ARHGAP35: variants seen among roughly 807,000 people sequenced by gnomAD.
ARHGAP35 encodes rho GTPase-activating protein 35.
In ARHGAP35, 15 loss-of-function variants were observed where a neutral mutation model predicts 111.1. The observed-to-expected ratio is 0.13, with a 90% CI of 0.09 to 0.21. ARHGAP35 has a LOEUF of 0.21. Among genes scored for constraint, ARHGAP35 ranks in the 10% least tolerant of loss-of-function variants. The pLI is 1.00. For synonymous variants in ARHGAP35, 643 were observed against 710.3 expected, an observed-to-expected ratio of 0.91 and a Z score of 1.51; for missense variants, 1,262 against 1,873.0, an observed-to-expected ratio of 0.67 and a Z score of 6.02.
At chr19:46,915,551 A>C (rs1039838220) in intron 1 of ARHGAP35, among the ~76,000 whole-genome samples, 2 of 152,150 alleles carry the variant, frequency 1.3e-5, no homozygotes, top group African/African-American at 4.8e-5. Context: ...AGTCAGAATA[A>C]TGCGTGGTGG....
In ARHGAP35 at chr19:46,993,646, C is replaced by T. The variant is rs2056691242; in HGVS notation, c.4036+3971C>T. 6.6e-6 allele frequency among the ~76,000 whole-genome samples: 1 copy of T among 152,166 alleles called. No individual in the cohort carries two copies. The highest frequency in any genetic ancestry group is 6.5e-5 in the Admixed American group (1 of 15,294). On this transcript the variant is annotated intron_variant, in intron 5 of 6. Coordinates refer to ENST00000672722, the MANE Select transcript of ARHGAP35 (RefSeq NM_004491.5). This position sits in a 1 kb window ranked among gnomAD's most constrained non-coding sequence, Gnocchi z 4.6. ...TTGTACTAAATTGCTGGATCTGTGT[C>T]CAGGCTGTCTTGGTTCAACTGGCCC...
At chr19:46,904,241 T>C (rs2056094920) in intron 1 of ARHGAP35, among the ~76,000 whole-genome samples, 1 of 152,196 alleles carries the variant, frequency 6.6e-6, no homozygotes, top group Non-Finnish European at 1.5e-5. Flanking sequence ...ATCTGTGACG[T>C]GAGGGAGCTG....
At chr19:46,968,724 C>A (rs879912042) in intron 3 of ARHGAP35, among the ~76,000 whole-genome samples, 2 of 152,160 alleles carry the variant, frequency 1.3e-5, no homozygotes, top group African/African-American at 4.8e-5. Context: ...ACTAGTCACA[C>A]AAGATCACAT....
intron 1 of ARHGAP35, among the ~76,000 whole-genome samples, chr19:46,903,011 C>T (rs1202077788): frequency 6.6e-6 from 1 of 152,064 alleles, no homozygotes; most frequent in East Asian, 1.9e-4. Flanking sequence ...CCTTGAGGAG[C>T]GGTAATAGCC....
At position 47,000,752 on chromosome 19, in the gene ARHGAP35, G is replaced by C. The variant is rs1028006294; in HGVS notation, c.*64G>C. The stretch of plus-strand genomic sequence containing the variant: ...CTCTGACGGGGTGGCATTTGGCCTT[G>C]AACAAAACCAAGTCCACTGGGGACA... On this transcript the variant is annotated 3_prime_UTR_variant, in exon 7 of 7. Coordinates refer to ENST00000672722, the MANE Select transcript of ARHGAP35 (RefSeq NM_004491.5). This position sits in a 1 kb window ranked among gnomAD's most constrained non-coding sequence, Gnocchi z 6.9. The C allele has an allele frequency of 9.8e-6, 15 of 1,528,022 alleles. No homozygotes were observed. The highest frequency in any genetic ancestry group is 4.1e-5 in the Admixed American group (2 of 49,094). 94.7% of individuals were successfully genotyped at this position (1,528,022 alleles called of 1,614,324 possible).
intron 3 of ARHGAP35, among the ~76,000 whole-genome samples, chr19:46,973,392 GA>G (rs1410822680): frequency 6.7e-6 from 1 of 149,656 alleles, no homozygotes; most frequent in African/African-American, 2.5e-5. Flanking sequence ...AAATTAAAAT[GA>G]AAAATTGGCC....
chr19:46,890,453 C>G (rs556276922), intron 1 of ARHGAP35, among the ~76,000 whole-genome samples: 13 of 152,216 alleles, frequency 8.5e-5, no homozygotes, highest in Non-Finnish European at 1.5e-4. Flanking sequence ...ATGACCAGAT[C>G]CTGGCCCTTA....
chr19:46,912,232 C>T (rs1035490612), intron 1 of ARHGAP35, among the ~76,000 whole-genome samples: 1 of 151,766 alleles, frequency 6.6e-6, no homozygotes, highest in Non-Finnish European at 1.5e-5. Context: ...GTAGTAGAGG[C>T]GGAGTTTTAC....
chr19:46,921,096 A>T lies in ARHGAP35; in HGVS notation c.2421A>T (p.Gln807His), dbSNP rs561026956. The T allele has an allele frequency of 2.5e-6, 4 of 1,613,968 alleles. No individual in the cohort carries two copies. In the South Asian group the frequency reaches 4.4e-5, roughly 18 times the overall value. The change falls in exon 2 of 7, where the codon CAA becomes CAT. Residue 807 changes from glutamine to histidine, a missense_variant. Gln to His is a conservative substitution (Grantham distance 24). This residue lies in a region of ARHGAP35 where 579 missense variants were observed against 716.9 expected (regional missense o/e 0.81). Transcript: ENST00000672722. The surrounding 1 kb of genome is among the most constrained non-coding windows in gnomAD (Gnocchi z 4.3). ...TACTTTTTCCTGTCCTTCAGTCCCA[A>T]ACCTGTAAATCTTCCCATTGTGGAA... ...DDILFPVLQS[Q>H]TCKSSHCGSN...
intron 1 of ARHGAP35, among the ~76,000 whole-genome samples, chr19:46,870,214 G>T (rs1430718523): frequency 6.6e-6 from 1 of 151,480 alleles, no homozygotes; most frequent in Non-Finnish European, 1.5e-5. Context: ...CTCCCAAAGT[G>T]CTGGGATTAC....
chr19:46,979,163 T>C (rs955754260), intron 3 of ARHGAP35, among the ~76,000 whole-genome samples: 11 of 151,954 alleles, frequency 7.2e-5, no homozygotes, highest in African/African-American at 1.2e-4. Flanking sequence ...TGTTTCTTTG[T>C]TGGTGGATCT....
At chr19:46,903,254 A>G (rs527622962) in intron 1 of ARHGAP35, among the ~76,000 whole-genome samples, 5 of 152,320 alleles carry the variant, frequency 3.3e-5, no homozygotes, top group South Asian at 2.1e-4. Flanking sequence ...CATATTAGCT[A>G]TGGTACAAGT....
At position 46,979,256 on chromosome 19, in the gene ARHGAP35, G is replaced by A. The variant is rs1252905398; in HGVS notation, c.3827-8733G>A. Among the ~76,000 whole-genome samples the A allele has an allele frequency of 8.6e-5, 13 of 152,044 alleles. No homozygotes were observed. The South Asian group carries it at 2.1e-3, about 24-fold the overall frequency. ...ATCACTCCAGTGCCACTGGGCCTGC[G>A]TGGGCATGCCAGCAAAGTCACACTT... On this transcript the variant is annotated intron_variant, in intron 3 of 6. Coordinates refer to ENST00000672722, the MANE Select transcript of ARHGAP35 (RefSeq NM_004491.5).
intron 2 of ARHGAP35, among the ~76,000 whole-genome samples, chr19:46,935,864 T>C (rs946236542): frequency 6.6e-6 from 1 of 152,228 alleles, no homozygotes; most frequent in Admixed American, 6.5e-5. Flanking sequence ...AGGTTCAAAA[T>C]AAAAAGATTG....
chr19:46,961,318 A>G (rs1174070026), intron 3 of ARHGAP35, among the ~76,000 whole-genome samples: 3 of 152,292 alleles, frequency 2.0e-5, no homozygotes, highest in Non-Finnish European at 4.4e-5. Context: ...ACACACATAC[A>G]TGTGCATGCA....
chr19:46,964,953 T>C (rs1350358517), intron 3 of ARHGAP35, among the ~76,000 whole-genome samples: 1 of 152,262 alleles, frequency 6.6e-6, no homozygotes, highest in Non-Finnish European at 1.5e-5. Context: ...ATCATAGTAC[T>C]ACCTTTTGAT....
At chr19:46,878,115 C>T (rs1410241702) in intron 1 of ARHGAP35, among the ~76,000 whole-genome samples, 1 of 152,026 alleles carries the variant, frequency 6.6e-6, no homozygotes, top group African/African-American at 2.4e-5. Context: ...CTTCCACCTC[C>T]CAGATTTAAG....
intron 1 of ARHGAP35, among the ~76,000 whole-genome samples, chr19:46,894,843 T>C (rs1491000834): frequency 6.6e-6 from 1 of 152,202 alleles, no homozygotes; most frequent in South Asian, 2.1e-4. Context: ...ATTGAGATAA[T>C]AGAGAGAGAT....
At chr19:46,862,390 C>A (rs1387642304) in intron 1 of ARHGAP35, among the ~76,000 whole-genome samples, 1 of 152,142 alleles carries the variant, frequency 6.6e-6, no homozygotes, top group South Asian at 2.1e-4. Context: ...GCCTGTCTCT[C>A]CTTCAGTTCT....
Sources: allele counts gnomAD v4.1 joint callset (sites outside exome capture counted in the v4.1 genomes callset), GRCh38; gene constraint gnomAD v4.1.1; regional missense constraint gnomAD v4.1.1; non-coding constraint Gnocchi (gnomAD v3.1); transcripts MANE v1.5; gene names NCBI Gene and HGNC (gene_info 2026-07-23, HGNC 2026-07-21).